The following PRDM5 variants were observed in gnomAD, a reference collection of about 807,000 sequenced individuals.
PRDM5 encodes the protein PR/SET domain 5.
A neutral mutation model predicts 81.2 loss-of-function variants in PRDM5; 56 were observed. That is an observed-to-expected ratio of 0.69 (90% CI 0.56 to 0.86). The LOEUF (loss-of-function observed/expected upper bound fraction) is 0.86, where lower values mean the gene tolerates loss of function less well. Ranked by LOEUF, PRDM5 falls within the 40% of genes least tolerant of loss-of-function variation. The pLI is 0.00. For missense variants in PRDM5, 697 were observed against 770.1 expected (o/e 0.91, Z 1.12); for synonymous variants, 267 against 256.4 (o/e 1.04, Z -0.39).
chr4:120,882,240 C>T (rs184269278), intron 2 of PRDM5, among the ~76,000 whole-genome samples: 6 of 152,154 alleles, frequency 3.9e-5, no homozygotes, highest in South Asian at 2.1e-4. Context: ...CTCCGCCTCC[C>T]GGGTTCAAGC....
intron 2 of PRDM5, among the ~76,000 whole-genome samples, chr4:120,861,725 G>A (rs1012593675): frequency 1.3e-5 from 2 of 151,832 alleles, no homozygotes; most frequent in African/African-American, 4.8e-5. Flanking sequence ...TTGAACCAGG[G>A]AGGTGAAAGC....
intron 8 of PRDM5, among the ~76,000 whole-genome samples, chr4:120,804,874 G>A (rs1394253136): frequency 1.3e-5 from 2 of 152,092 alleles, no homozygotes; most frequent in African/African-American, 4.8e-5. Flanking sequence ...AGGAAACAGA[G>A]ACACAAAAAA....
chr4:120,707,165 T>A (rs1342797459), intron 15 of PRDM5, among the ~76,000 whole-genome samples: 1 of 151,988 alleles, frequency 6.6e-6, no homozygotes, highest in Non-Finnish European at 1.5e-5. Context: ...GCAAAAATCC[T>A]AAAACAAACA....
At chr4:120,846,165 C>G (rs1015603838) in intron 3 of PRDM5, among the ~76,000 whole-genome samples, 4 of 152,134 alleles carry the variant, frequency 2.6e-5, no homozygotes, top group Admixed American at 2.6e-4. Context: ...GAAATGACAG[C>G]AAAGAATTTC....
intron 10 of PRDM5, among the ~76,000 whole-genome samples, chr4:120,788,025 C>A (rs1482263272): frequency 1.3e-5 from 2 of 152,092 alleles, no homozygotes; most frequent in Non-Finnish European, 2.9e-5. Context: ...TAAAAACAGG[C>A]AATCCCACAT....
At chr4:120,901,904 C>T (rs746241616) in intron 2 of PRDM5, among the ~76,000 whole-genome samples, 3 of 152,084 alleles carry the variant, frequency 2.0e-5, no homozygotes, top group African/African-American at 7.2e-5. Context: ...TCCACAGAAA[C>T]GTTCAAAGAC....
chr4:120,856,955 G>A (rs1759944319), intron 2 of PRDM5, among the ~76,000 whole-genome samples: 1 of 152,064 alleles, frequency 6.6e-6, no homozygotes, highest in Non-Finnish European at 1.5e-5. Context: ...CATACCTGGG[G>A]CCAATGATGA....
chr4:120,907,834 CAT>C (rs1195011593), intron 1 of PRDM5, among the ~76,000 whole-genome samples: 4 of 152,192 alleles, frequency 2.6e-5, no homozygotes, highest in Non-Finnish European at 5.9e-5. Context: ...CATTGTATTT[CAT>C]ATGTTTCAAT....
chr4:120,706,670 G>A (rs1736198212), intron 15 of PRDM5, among the ~76,000 whole-genome samples: 1 of 142,844 alleles, frequency 7.0e-6, no homozygotes, highest in Admixed American at 7.3e-5. Context: ...AGAGGTTAAA[G>A]TAGTATTGAT....
At chr4:120,747,393 C>T (rs1402995461) in intron 14 of PRDM5, among the ~76,000 whole-genome samples, 3 of 151,770 alleles carry the variant, frequency 2.0e-5, no homozygotes, top group Admixed American at 6.6e-5. Context: ...ATGTAACTAA[C>T]TTGCACAATG....
chr4:120,913,307 G>A (rs1442377600), intron 1 of PRDM5, among the ~76,000 whole-genome samples: 1 of 152,178 alleles, frequency 6.6e-6, no homozygotes, highest in African/African-American at 2.4e-5. Context: ...GAGTCCAAGA[G>A]AATTGCAAAG....
At chr4:120,847,575 C>G (rs1197910773) in intron 3 of PRDM5, among the ~76,000 whole-genome samples, 1 of 152,178 alleles carries the variant, frequency 6.6e-6, no homozygotes, top group African/African-American at 2.4e-5. Context: ...AACCCCAGAA[C>G]CACTCAGCTA....
In PRDM5 at chr4:120,839,821, A is replaced by G. The variant is rs552334577; in HGVS notation, c.300+13597T>C. Among the ~76,000 whole-genome samples, 61 of 152,274 alleles carry G rather than the reference A, an allele frequency of 4.0e-4. 1 individual carries two copies. Among genetic ancestry groups the G allele is most frequent in the Admixed American group, 7.2e-4 (11 of 15,298 alleles). On this transcript the variant is annotated intron_variant, in intron 3 of 15. Coordinates refer to ENST00000264808, the MANE Select transcript of PRDM5 (RefSeq NM_018699.4). ...CACACTGAGCTGCCCTCAGCTCTGCATCGGTTTCCAACCCCCCCACACTCA... is the reference window on the plus strand; with the variant it reads ...CACACTGAGCTGCCCTCAGCTCTGCGTCGGTTTCCAACCCCCCCACACTCA...
At chr4:120,775,986 C>G (rs1205090464) in intron 13 of PRDM5, among the ~76,000 whole-genome samples, 1 of 152,158 alleles carries the variant, frequency 6.6e-6, no homozygotes, top group Non-Finnish European at 1.5e-5. Context: ...GCCGTTGGCA[C>G]AATTTTAAGT....
At chr4:120,857,205 G>A (rs1839485) in intron 2 of PRDM5, among the ~76,000 whole-genome samples, 64,307 of 151,882 alleles carry the variant, frequency 0.42, 13,903 homozygotes, top group Non-Finnish European at 0.47. Flanking sequence ...TAAAAAATAC[G>A]AAAATTAGCT....
intron 14 of PRDM5, among the ~76,000 whole-genome samples, chr4:120,718,343 G>A (rs566331191): frequency 3.9e-5 from 6 of 152,226 alleles, no homozygotes; most frequent in African/African-American, 1.4e-4. Flanking sequence ...TAAAGGGTAC[G>A]CATACCTTTT....
In PRDM5 at chr4:120,725,886, T is replaced by G. The variant is rs557341921; in HGVS notation, c.1624-15473A>C. ...AGAATTCTGCTAACACAATCTCCCC[T>G]TCTTCCTATGCCCTGATCTCTCATC... On this transcript the variant is annotated intron_variant, in intron 14 of 15. Transcript: ENST00000264808. 3.9e-4 allele frequency among the ~76,000 whole-genome samples: 60 copies of G among 152,126 alleles called. No homozygotes were observed. In the South Asian group the frequency reaches 0.012, roughly 31 times the overall value.
intron 13 of PRDM5, among the ~76,000 whole-genome samples, chr4:120,760,927 G>C (rs1474296332): frequency 1.3e-5 from 2 of 152,102 alleles, no homozygotes; most frequent in Non-Finnish European, 1.5e-5. Flanking sequence ...TACAAAACAA[G>C]GATATAGGTT....
At position 120,785,090 on chromosome 4, in the gene PRDM5, G is replaced by T. The variant is rs763221182; in HGVS notation, c.1190C>A (p.Thr397Asn). ...TTGGAACGGTCTCTCCTCAGAGTGG[G>T]TCTGCAGAGGAAAAACACTGAGTCA... ...HRNVYKNHKK[T>N]HSEERPFQCE... is the part of the protein sequence containing the mutation. The change falls in exon 11 of 16, where the codon ACC becomes AAC. Residue 397 changes from threonine (T) to asparagine (N), a missense_variant and splice_region_variant. By Grantham distance (65) the Thr-to-Asn change is moderately conservative. Around this residue, in one of 3 missense-constraint regions of PRDM5, gnomAD observed 577 missense variants for 606.7 expected, o/e 0.95. Coordinates refer to ENST00000264808, the MANE Select transcript of PRDM5 (RefSeq NM_018699.4). 2.5e-6 allele frequency: 4 copies of T among 1,604,552 alleles called. No individual in the cohort carries two copies. In the African/African-American group the frequency reaches 4.0e-5, roughly 16 times the overall value.
Sources: allele counts gnomAD v4.1 joint callset (sites outside exome capture counted in the v4.1 genomes callset), GRCh38; gene constraint gnomAD v4.1.1; regional missense constraint gnomAD v4.1.1; transcripts MANE v1.5; gene names NCBI Gene and HGNC (gene_info 2026-07-23, HGNC 2026-07-21).